The following METTL24 variants were observed in gnomAD, a reference collection of about 807,000 sequenced individuals.
METTL24 encodes methyltransferase like 24.
METTL24 carries 29 observed loss-of-function variants against 32.7 expected under a neutral mutation model. That is an observed-to-expected ratio of 0.89 (90% CI 0.66 to 1.21). The LOEUF (loss-of-function observed/expected upper bound fraction) is 1.21, where lower values mean the gene tolerates loss of function less well. METTL24 is among the 50% of genes most tolerant of loss of function. The probability of loss-of-function intolerance (pLI) is 0.00; values close to 1 mark genes in which losing one functional copy is unlikely to be tolerated. For synonymous variants in METTL24, 163 were observed against 179.5 expected (o/e 0.91, Z 0.73); for missense variants, 439 against 468.1 (o/e 0.94, Z 0.57).
At chr6:110,331,026 G>T (rs1405752632) in intron 1 of METTL24, among the ~76,000 whole-genome samples, 1 of 152,156 alleles carries the variant, frequency 6.6e-6, no homozygotes, top group Admixed American at 6.5e-5. Flanking sequence ...AGTAAAGGTG[G>T]ACATGCTTGA....
intron 4 of METTL24, among the ~76,000 whole-genome samples, chr6:110,283,165 A>T (rs1582399995): frequency 1.3e-5 from 2 of 152,268 alleles, no homozygotes; most frequent in South Asian, 4.1e-4. Flanking sequence ...GAATAGAAAG[A>T]ACATTTTTCT....
intron 1 of METTL24, among the ~76,000 whole-genome samples, chr6:110,352,628 A>C (rs1276453072): frequency 6.6e-6 from 1 of 151,226 alleles, no homozygotes; most frequent in Non-Finnish European, 1.5e-5. Context: ...TAAGACATTA[A>C]TGGAGCTCAT....
At chr6:110,352,593 CT>C (rs75737659) in intron 1 of METTL24, among the ~76,000 whole-genome samples, 45,575 of 145,514 alleles carry the variant, frequency 0.31, 7,026 homozygotes, top group Non-Finnish European at 0.37. Flanking sequence ...ATTTTCATAT[CT>C]TTTTTTTTTT....
intron 2 of METTL24, among the ~76,000 whole-genome samples, chr6:110,318,916 C>T (rs1007160772): frequency 3.9e-5 from 6 of 152,256 alleles, no homozygotes; most frequent in Non-Finnish European, 7.4e-5. Context: ...TCCAACTCAA[C>T]TAATTATGTT....
intron 4 of METTL24, among the ~76,000 whole-genome samples, chr6:110,293,760 T>C (rs959693952): frequency 6.6e-6 from 1 of 151,852 alleles, no homozygotes; most frequent in Non-Finnish European, 1.5e-5. Context: ...GGGAAGAAGG[T>C]AGGTGTTTTT....
intron 1 of METTL24, among the ~76,000 whole-genome samples, chr6:110,354,940 C>T (rs1395631995): frequency 6.6e-6 from 1 of 152,020 alleles, no homozygotes; most frequent in African/African-American, 2.4e-5. Flanking sequence ...AGCAAAAGGC[C>T]CATTTATTTC....
At chr6:110,270,591 A>T (rs958015192) in intron 4 of METTL24, among the ~76,000 whole-genome samples, 1 of 152,104 alleles carries the variant, frequency 6.6e-6, no homozygotes, top group African/African-American at 2.4e-5. Context: ...AGTTACATAG[A>T]ATGAGAATTG....
At chr6:110,288,501 C>T (rs1582403161) in intron 4 of METTL24, among the ~76,000 whole-genome samples, 1 of 152,226 alleles carries the variant, frequency 6.6e-6, no homozygotes, top group East Asian at 1.9e-4. Context: ...ACAACTGGCT[C>T]ACAAGTCTAT....
At position 110,293,642 on chromosome 6, in the gene METTL24, T is replaced by G. The variant is rs569182061; in HGVS notation, c.786+5280A>C. On this transcript the variant is annotated intron_variant, in intron 4 of 4. Coordinates refer to ENST00000338882, the MANE Select transcript of METTL24 (RefSeq NM_001123364.3). ...TCTTAAGAACTATATTAAATAACAA[T>G]GGTGATTACACACTGTATGATTCTG... is the stretch of plus-strand genomic sequence containing the variant. Among the ~76,000 whole-genome samples the G allele has an allele frequency of 7.9e-5, 12 of 151,984 alleles. 1 individual carries two copies. Among genetic ancestry groups the G allele is most frequent in the Non-Finnish European group, 1.5e-4 (10 of 67,892 alleles).
intron 3 of METTL24, 58 bp downstream of exon 3, chr6:110,315,284 G>T: frequency 1.3e-6 from 2 of 1,598,862 alleles, no homozygotes; most frequent in South Asian, 1.1e-5. Flanking sequence ...TGCTGAAAAG[G>T]TCTGAGCTGC....
intron 1 of METTL24, among the ~76,000 whole-genome samples, chr6:110,331,218 A>G (rs1164384212): frequency 6.6e-6 from 1 of 152,222 alleles, no homozygotes; most frequent in Non-Finnish European, 1.5e-5. Context: ...AAAGTATCCA[A>G]TGTGAAAAAC....
intron 1 of METTL24, among the ~76,000 whole-genome samples, chr6:110,341,114 T>C (rs1772348382): frequency 6.6e-6 from 1 of 152,218 alleles, no homozygotes; most frequent in Non-Finnish European, 1.5e-5. Context: ...ATTGTCAGCA[T>C]CATGGCTTAC....
chr6:110,300,366 C>T (rs1473380942), intron 3 of METTL24, among the ~76,000 whole-genome samples: 1 of 151,346 alleles, frequency 6.6e-6, no homozygotes, highest in Admixed American at 6.6e-5. Flanking sequence ...AATTATTTAC[C>T]TTATTTTAAT....
intron 1 of METTL24, among the ~76,000 whole-genome samples, chr6:110,345,526 T>C (rs1331108081): frequency 2.6e-5 from 4 of 152,152 alleles, no homozygotes; most frequent in African/African-American, 7.2e-5. Context: ...GGAATCAACC[T>C]AAATGCCCAT....
chr6:110,263,500 G>A (rs972617563), intron 4 of METTL24, among the ~76,000 whole-genome samples: 1 of 152,188 alleles, frequency 6.6e-6, no homozygotes, highest in Non-Finnish European at 1.5e-5. Context: ...AACATTTCAT[G>A]CTCATGGGTA....
At chr6:110,264,181 G>A (rs529962372) in intron 4 of METTL24, among the ~76,000 whole-genome samples, 1 of 151,588 alleles carries the variant, frequency 6.6e-6, no homozygotes, top group Non-Finnish European at 1.5e-5. Flanking sequence ...AGAGTGAACA[G>A]GCAACCCACA....
intron 4 of METTL24, among the ~76,000 whole-genome samples, chr6:110,259,999 A>G (rs924645228): frequency 6.6e-6 from 1 of 152,158 alleles, no homozygotes; most frequent in African/African-American, 2.4e-5. Context: ...GGTAGATAAA[A>G]CCACAAAGAT....
chr6:110,278,936 C>T (rs1771092794), intron 4 of METTL24, among the ~76,000 whole-genome samples: 1 of 152,132 alleles, frequency 6.6e-6, no homozygotes, highest in African/African-American at 2.4e-5. Flanking sequence ...GTGGGAGGAT[C>T]GCTTCAGCCC....
At chr6:110,305,277 C>T (rs1427355657) in intron 3 of METTL24, among the ~76,000 whole-genome samples, 1 of 152,052 alleles carries the variant, frequency 6.6e-6, no homozygotes, top group African/African-American at 2.4e-5. Context: ...GCAAAGCCTT[C>T]ATGACTAAAA....
Sources: allele counts gnomAD v4.1 joint callset (sites outside exome capture counted in the v4.1 genomes callset), GRCh38; gene constraint gnomAD v4.1.1; transcripts MANE v1.5; gene names NCBI Gene and HGNC (gene_info 2026-07-23, HGNC 2026-07-21).